GRIN2A: variants seen among roughly 807,000 people sequenced by gnomAD.
The protein encoded by GRIN2A is glutamate receptor ionotropic, NMDA 2A.
Under a neutral mutation model 113.4 loss-of-function variants are expected in GRIN2A, and 22 were observed. The ratio of observed to expected loss-of-function variants is 0.19; its 90% CI spans 0.14 to 0.28. The LOEUF (loss-of-function observed/expected upper bound fraction) is 0.28, where lower values mean the gene tolerates loss of function less well. GRIN2A is among the 10% of genes least tolerant of loss of function. The pLI, the probability that GRIN2A is intolerant of heterozygous loss-of-function variation, is 1.00. For missense variants in GRIN2A, 1,502 were observed against 1,887.0 expected (o/e 0.80, Z 3.78); for synonymous variants, 827 against 738.4 (o/e 1.12, Z -1.94).
intron 4 of GRIN2A, among the ~76,000 whole-genome samples, chr16:9,869,220 G>T (rs993458781): frequency 5.3e-5 from 8 of 152,154 alleles, no homozygotes; most frequent in African/African-American, 1.9e-4. Flanking sequence ...ATCACTTGAG[G>T]CCAGGAGTTT....
At chr16:10,101,662 C>G (rs1423762383) in intron 2 of GRIN2A, among the ~76,000 whole-genome samples, 1 of 152,180 alleles carries the variant, frequency 6.6e-6, no homozygotes, top group Admixed American at 6.5e-5. Context: ...GGACAAGAGC[C>G]TAATCTCCCA....
intron 3 of GRIN2A, among the ~76,000 whole-genome samples, chr16:9,935,949 A>G (rs893759074): frequency 1.3e-5 from 2 of 151,692 alleles, no homozygotes; most frequent in Non-Finnish European, 2.9e-5. Context: ...CGATCCACCC[A>G]CCTCGGCCTC....
At chr16:10,062,287 G>A (rs1018189950) in intron 2 of GRIN2A, among the ~76,000 whole-genome samples, 2 of 152,082 alleles carry the variant, frequency 1.3e-5, no homozygotes, top group Non-Finnish European at 2.9e-5. Context: ...GCCCTAGACA[G>A]TAGAAAACAA....
intron 2 of GRIN2A, among the ~76,000 whole-genome samples, chr16:9,985,059 G>A (rs535673190): frequency 3.3e-5 from 5 of 151,892 alleles, no homozygotes; most frequent in Non-Finnish European, 7.4e-5. Context: ...CACACACACC[G>A]AGTAACTTGA....
At chr16:10,109,893 ATTTTT>A (rs199714817) in intron 2 of GRIN2A, among the ~76,000 whole-genome samples, 1 of 151,426 alleles carries the variant, frequency 6.6e-6, no homozygotes, top group Non-Finnish European at 1.5e-5. Flanking sequence ...AAAAAATAAA[ATTTTT>A]TTTAATTTTA....
chr16:10,147,592 G>A (rs1825908484), intron 2 of GRIN2A, among the ~76,000 whole-genome samples: 1 of 149,842 alleles, frequency 6.7e-6, no homozygotes, highest in Admixed American at 6.7e-5. Flanking sequence ...AGCTGAGATT[G>A]CACCGCTGCT....
chr16:9,792,628 A>G (rs1902682232), intron 11 of GRIN2A, among the ~76,000 whole-genome samples: 1 of 152,152 alleles, frequency 6.6e-6, no homozygotes, highest in South Asian at 2.1e-4. Flanking sequence ...AATATGCCAT[A>G]TACATAATTT....
intron 11 of GRIN2A, among the ~76,000 whole-genome samples, chr16:9,797,782 G>A (rs1435789052): frequency 6.6e-6 from 1 of 152,188 alleles, no homozygotes; most frequent in Admixed American, 6.5e-5. Context: ...GTTTTGTGAT[G>A]TAGGGGGCTG....
At position 9,801,807 on chromosome 16, in the gene GRIN2A, G is replaced by A. The variant is rs1255494594; in HGVS notation, c.2169-3343C>T. On this transcript the variant is annotated intron_variant, in intron 10 of 12. Transcript: ENST00000330684. ...GGTCTGGCCATGGAGGCACACAATT[G>A]GGCCAGCCCTCCATGGCCTGACTGT... 2.6e-5 allele frequency among the ~76,000 whole-genome samples: 4 copies of A among 152,142 alleles called. No homozygotes were observed. The East Asian group carries it at 5.8e-4, about 22-fold the overall frequency.
intron 2 of GRIN2A, among the ~76,000 whole-genome samples, chr16:10,141,470 A>G (rs1418093722): frequency 6.6e-6 from 1 of 152,202 alleles, no homozygotes; most frequent in Non-Finnish European, 1.5e-5. Context: ...CCTGGGCAAC[A>G]GAGCGAGACT....
chr16:9,818,681 T>G (rs942454180), intron 10 of GRIN2A, among the ~76,000 whole-genome samples: 1 of 152,214 alleles, frequency 6.6e-6, no homozygotes. Flanking sequence ...CAAAATTTAC[T>G]GAGAAAAGTG....
chr16:10,019,632 C>A (rs181458139), intron 2 of GRIN2A, among the ~76,000 whole-genome samples: 1 of 152,336 alleles, frequency 6.6e-6, no homozygotes, highest in African/African-American at 2.4e-5. Context: ...GCCGGGTACC[C>A]CCAATGCCTC....
At chr16:10,057,421 C>G (rs904785611) in intron 2 of GRIN2A, among the ~76,000 whole-genome samples, 1 of 152,026 alleles carries the variant, frequency 6.6e-6, no homozygotes, top group Non-Finnish European at 1.5e-5. Flanking sequence ...AGATGAGGAG[C>G]AAAATATCCA....
chr16:9,794,565 GGA>G (rs1902850899), intron 11 of GRIN2A: 1 of 152,134 alleles, frequency 6.6e-6, no homozygotes, highest in Non-Finnish European at 1.5e-5. Flanking sequence ...AAGATCATCT[GGA>G]GACACCCCCT....
At chr16:10,087,041 C>A (rs142283249) in intron 2 of GRIN2A, among the ~76,000 whole-genome samples, 1 of 152,310 alleles carries the variant, frequency 6.6e-6, no homozygotes, top group East Asian at 1.9e-4. Flanking sequence ...GGAGGAGAAG[C>A]TCCTGCTATA....
At chr16:9,977,802 C>T (rs2045806315) in intron 2 of GRIN2A, among the ~76,000 whole-genome samples, 1 of 152,166 alleles carries the variant, frequency 6.6e-6, no homozygotes, top group South Asian at 2.1e-4. Context: ...GGGGAGTAGA[C>T]TTTGGTGAGT....
At position 10,170,215 on chromosome 16, in the gene GRIN2A, A is replaced by G. The variant is rs191845878; in HGVS notation, c.414+9783T>C. Among the ~76,000 whole-genome samples the G allele has an allele frequency of 4.6e-3, 706 of 152,342 alleles. 4 individuals are homozygous for G. Among genetic ancestry groups the G allele is most frequent in the South Asian group, 0.025 (122 of 4,826 alleles). On this transcript the variant is annotated intron_variant, in intron 2 of 12. Coordinates refer to ENST00000330684, the MANE Select transcript of GRIN2A (RefSeq NM_001134407.3). ...CAGTACACCGGTTCATGACCCTTGCAAAAACCATTCCCAAGTGAGTTGGAT... is the reference window on the plus strand; with the variant it reads ...CAGTACACCGGTTCATGACCCTTGCGAAAACCATTCCCAAGTGAGTTGGAT...
At chr16:9,881,711 A>T (rs1306979638) in intron 4 of GRIN2A, among the ~76,000 whole-genome samples, 1 of 152,176 alleles carries the variant, frequency 6.6e-6, no homozygotes, top group Non-Finnish European at 1.5e-5. Flanking sequence ...GGTAAAGGAG[A>T]GACTGAAAAC....
At position 10,167,944 on chromosome 16, in the gene GRIN2A, A is replaced by G. The variant is rs2049959843; in HGVS notation, c.414+12054T>C. ...TGCAGGAGAATACAACTGACTAAAA[A>G]GAATAATTTGTCAACTGAAAAACCA... On this transcript the variant is annotated intron_variant, in intron 2 of 12. Coordinates refer to ENST00000330684, the MANE Select transcript of GRIN2A (RefSeq NM_001134407.3). Among the ~76,000 whole-genome samples, 8 of 152,236 alleles carry G rather than the reference A, an allele frequency of 5.3e-5. 1 individual carries two copies. The highest frequency in any genetic ancestry group is 5.2e-4 in the Admixed American group (8 of 15,284).
Sources: allele counts gnomAD v4.1 joint callset (sites outside exome capture counted in the v4.1 genomes callset), GRCh38; gene constraint gnomAD v4.1.1; transcripts MANE v1.5; gene names NCBI Gene and HGNC (gene_info 2026-07-23, HGNC 2026-07-21).